The following SNTG1 variants were observed in gnomAD, a reference collection of about 807,000 sequenced individuals.
SNTG1 encodes syntrophin gamma 1, also known as gamma-1-syntrophin.
SNTG1 carries 39 observed loss-of-function variants against 74.7 expected under a neutral mutation model. The observed-to-expected ratio is 0.52, with a 90% CI of 0.40 to 0.68. SNTG1 has a LOEUF of 0.68. Among genes scored for constraint, SNTG1 ranks in the 30% least tolerant of loss-of-function variants. The pLI, the probability that SNTG1 is intolerant of heterozygous loss-of-function variation, is 0.00. For missense variants in SNTG1, 685 were observed against 609.5 expected, an observed-to-expected ratio of 1.12 and a Z score of -1.30; for synonymous variants, 254 against 217.1, an observed-to-expected ratio of 1.17 and a Z score of -1.49.
At chr8:49,989,791 A>C (rs1368144665) in intron 1 of SNTG1, among the ~76,000 whole-genome samples, 1 of 149,530 alleles carries the variant, frequency 6.7e-6, no homozygotes, top group African/African-American at 2.5e-5. Flanking sequence ...GGTAGTTTTA[A>C]CATCTAAAAA....
At chr8:50,228,134 A>G (rs564146103) in intron 2 of SNTG1, among the ~76,000 whole-genome samples, 86 of 152,094 alleles carry the variant, frequency 5.7e-4, no homozygotes, top group African/African-American at 1.9e-3. Context: ...AAAATGAATT[A>G]AAAGAAAATG....
chr8:50,248,272 C>T (rs2086490339), intron 2 of SNTG1, among the ~76,000 whole-genome samples: 1 of 151,988 alleles, frequency 6.6e-6, no homozygotes. Flanking sequence ...AAAGCATAGC[C>T]CCCAAATCAA....
intron 2 of SNTG1, among the ~76,000 whole-genome samples, chr8:50,370,367 AT>A (rs1207871251): frequency 6.6e-6 from 1 of 152,068 alleles, no homozygotes; most frequent in Non-Finnish European, 1.5e-5. Context: ...GAGGGCATTG[AT>A]TGGTAAGGAA....
intron 1 of SNTG1, among the ~76,000 whole-genome samples, chr8:50,126,885 A>T (rs2081158832): frequency 6.6e-6 from 1 of 152,134 alleles, no homozygotes; most frequent in South Asian, 2.1e-4. Context: ...GAAGGTGAGT[A>T]CCAGGTTCCA....
intron 2 of SNTG1, among the ~76,000 whole-genome samples, chr8:50,338,636 A>T (rs1304140958): frequency 2.0e-5 from 3 of 152,216 alleles, no homozygotes; most frequent in Non-Finnish European, 2.9e-5. Flanking sequence ...TAGAAATGAA[A>T]AAGTTACAGT....
At chr8:50,292,502 A>G (rs16914653) in intron 2 of SNTG1, among the ~76,000 whole-genome samples, 10,534 of 152,146 alleles carry the variant, frequency 0.069, 410 homozygotes, top group African/African-American at 0.085. Flanking sequence ...CTGGTTCAGA[A>G]AGGAAAAGAG....
intron 13 of SNTG1, among the ~76,000 whole-genome samples, chr8:50,636,230 G>T (rs1288955142): frequency 6.6e-6 from 1 of 151,190 alleles, no homozygotes; most frequent in Non-Finnish European, 1.5e-5. Flanking sequence ...AGAGCTGTGA[G>T]CTGTGCTGCC....
At chr8:50,376,683 C>T (rs1476059066) in intron 2 of SNTG1, among the ~76,000 whole-genome samples, 1 of 142,252 alleles carries the variant, frequency 7.0e-6, no homozygotes, top group East Asian at 2.0e-4. Flanking sequence ...TAATCTATTT[C>T]AGAAGTAGAT....
chr8:50,477,354 A>G (rs910244305), intron 8 of SNTG1, among the ~76,000 whole-genome samples: 1 of 152,072 alleles, frequency 6.6e-6, no homozygotes, highest in African/African-American at 2.4e-5. Flanking sequence ...GAGGAAAATG[A>G]CCCTTTATTT....
At chr8:50,658,772 A>T in intron 15 of SNTG1, 109 bp downstream of exon 15, 1 of 699,602 alleles carries the variant, frequency 1.4e-6, no homozygotes, top group South Asian at 1.9e-5. Flanking sequence ...GAAAGAAGAG[A>T]CACGATAAAG....
At chr8:50,318,994 T>C (rs2090424980) in intron 2 of SNTG1, among the ~76,000 whole-genome samples, 1 of 151,892 alleles carries the variant, frequency 6.6e-6, no homozygotes, top group African/African-American at 2.4e-5. Flanking sequence ...TGTATATGTA[T>C]ATGTGTGTAT....
At chr8:50,082,644 T>G (rs566080138) in intron 1 of SNTG1, among the ~76,000 whole-genome samples, 2 of 152,216 alleles carry the variant, frequency 1.3e-5, no homozygotes, top group African/African-American at 4.8e-5. Context: ...AATTTATGAA[T>G]GTCCTGGAGA....
chr8:50,221,335 A>T (rs868262672), intron 2 of SNTG1, among the ~76,000 whole-genome samples: 3 of 152,256 alleles, frequency 2.0e-5, no homozygotes, highest in Middle Eastern at 3.4e-3. Flanking sequence ...GGGAAAAAAT[A>T]GTTACAATGG....
rs553274937 is a variant in SNTG1 at position 50,709,768 on chromosome 8, C to T, written c.1284+790C>T. Reference sequence around the variant, plus strand: ...AACTGTTGTCCCCATGGAAGACATCCTCTTCCCTCTCATTGAGGATCTCAG... The same window carrying T: ...AACTGTTGTCCCCATGGAAGACATCTTCTTCCCTCTCATTGAGGATCTCAG... On this transcript the variant is annotated intron_variant, in intron 17 of 18. Transcript: ENST00000642720. Among the ~76,000 whole-genome samples, 8 of 152,302 alleles carry T rather than the reference C, an allele frequency of 5.3e-5. No individual in the cohort carries two copies. The South Asian group carries it at 1.4e-3, about 28-fold the overall frequency.
intron 1 of SNTG1, 146 bp from the exon 2 acceptor site, chr8:50,172,415 A>G (rs2082838772): frequency 6.6e-6 from 1 of 152,202 alleles, no homozygotes; most frequent in Non-Finnish European, 1.5e-5. Context: ...AATTGACAAG[A>G]AAGTGTGGAA....
At chr8:49,918,818 T>C (rs1055485276) in intron 1 of SNTG1, among the ~76,000 whole-genome samples, 6 of 152,154 alleles carry the variant, frequency 3.9e-5, no homozygotes, top group South Asian at 4.1e-4. Context: ...TTTTGCCTAA[T>C]TGGTATTTGT....
At chr8:50,172,327 C>T (rs2082835566) in intron 1 of SNTG1, among the ~76,000 whole-genome samples, 2 of 152,126 alleles carry the variant, frequency 1.3e-5, no homozygotes, top group African/African-American at 4.8e-5. Flanking sequence ...AGAACTTAAT[C>T]TTGTGGCATT....
At chr8:50,646,823 TAA>T (rs1274506824) in intron 13 of SNTG1, among the ~76,000 whole-genome samples, 1 of 152,038 alleles carries the variant, frequency 6.6e-6, no homozygotes, top group African/African-American at 2.4e-5. Context: ...AATCTTACTA[TAA>T]AGTGACAGTA....
chr8:50,657,833 C>T (rs976154553), intron 14 of SNTG1, among the ~76,000 whole-genome samples: 3 of 152,038 alleles, frequency 2.0e-5, no homozygotes, highest in Non-Finnish European at 4.4e-5. Flanking sequence ...ATACCTATTG[C>T]ACCTCAAGTC....
Sources: allele counts gnomAD v4.1 joint callset (sites outside exome capture counted in the v4.1 genomes callset), GRCh38; gene constraint gnomAD v4.1.1; transcripts MANE v1.5; gene names NCBI Gene and HGNC (gene_info 2026-07-23, HGNC 2026-07-21).